BCAS1: variants seen among roughly 807,000 people sequenced by gnomAD.
BCAS1 encodes the protein brain enriched myelin associated protein 1, also known as breast carcinoma-amplified sequence 1.
In BCAS1, 46 loss-of-function variants were observed where a neutral mutation model predicts 65.4. The ratio of observed to expected loss-of-function variants is 0.70; its 90% confidence interval spans 0.55 to 0.90. The LOEUF is 0.90. Among genes scored for constraint, BCAS1 ranks in the 40% least tolerant of loss-of-function variants. The pLI, the probability that BCAS1 is intolerant of heterozygous loss-of-function variation, is 0.00. For synonymous variants in BCAS1, 298 were observed against 293.5 expected (o/e 1.02, Z -0.16); for missense variants, 793 against 771.2 (o/e 1.03, Z -0.33).
At chr20:53,979,437 G>A (rs575180965) in intron 8 of BCAS1, among the ~76,000 whole-genome samples, 104 of 152,300 alleles carry the variant, frequency 6.8e-4, no homozygotes, top group African/African-American at 2.5e-3. Context: ...AGTGGGTCTT[G>A]CCAAATGGGG....
At chr20:53,953,822 G>A in intron 11 of BCAS1, 127 bp from the exon 12 acceptor site, 2 of 1,129,204 alleles carry the variant, frequency 1.8e-6, no homozygotes, top group Non-Finnish European at 2.5e-6. Flanking sequence ...TGAATCCTAG[G>A]TGAAATGAAT....
intron 3 of BCAS1, among the ~76,000 whole-genome samples, chr20:54,029,949 C>T (rs772079418): frequency 5.3e-5 from 8 of 152,154 alleles, no homozygotes; most frequent in Non-Finnish European, 1.2e-4. Flanking sequence ...CAGAAAATTT[C>T]TCTTTGAAAG....
chr20:53,955,489 G>A (rs146621773), intron 11 of BCAS1, among the ~76,000 whole-genome samples: 1 of 152,318 alleles, frequency 6.6e-6, no homozygotes, highest in East Asian at 1.9e-4. Flanking sequence ...CAAATGCCTT[G>A]TTAACTGTTT....
intron 4 of BCAS1, among the ~76,000 whole-genome samples, chr20:54,003,279 C>T (rs6123340): frequency 1.3e-5 from 2 of 149,434 alleles, no homozygotes; most frequent in East Asian, 3.9e-4. Flanking sequence ...TGCAAAGTTC[C>T]TGACACAGAG....
chr20:54,045,607 G>A (rs1003791740), intron 3 of BCAS1, among the ~76,000 whole-genome samples: 1 of 152,176 alleles, frequency 6.6e-6, no homozygotes, highest in African/African-American at 2.4e-5. Context: ...ACTGTTTCTT[G>A]TAAATGCCTA....
chr20:53,966,291 T>C (rs1026301851), intron 10 of BCAS1, among the ~76,000 whole-genome samples: 2 of 152,174 alleles, frequency 1.3e-5, no homozygotes, highest in Non-Finnish European at 2.9e-5. Context: ...GGAATACTAC[T>C]CAGCCAGAAA....
intron 3 of BCAS1, among the ~76,000 whole-genome samples, chr20:54,053,969 T>G (rs1191920668): frequency 3.3e-5 from 5 of 152,310 alleles, no homozygotes; most frequent in South Asian, 2.1e-4. Context: ...GGAAAGAGGT[T>G]TAATGGACTT....
At position 53,966,921 on chromosome 20, in the gene BCAS1, C is replaced by T. The variant is rs145938513; in HGVS notation, c.1470G>A (p.Ala490=). The T allele has an allele frequency of 2.1e-4, 334 of 1,608,048 alleles. 1 individual carries two copies. In the African/African-American group the frequency reaches 3.1e-3, roughly 15 times the overall value. Residue 490 remains alanine (A), a synonymous_variant, in exon 10 of 13, where the codon GCG becomes GCA. Transcript: ENST00000688948. ...AGGGGCTTACCATTTGTCTGAGAAA[C>T]GCCATCAGAGAGGTTCTTGGTTTGC... is the stretch of plus-strand genomic sequence containing the variant. ...EESKPRTSLM[A]FLRQMSVKGD...
At chr20:53,949,885 C>T (rs886159540) in intron 12 of BCAS1, among the ~76,000 whole-genome samples, 2 of 152,128 alleles carry the variant, frequency 1.3e-5, no homozygotes, top group Non-Finnish European at 1.5e-5. Context: ...AGGAGGGACT[C>T]GGTGTCTAGA....
intron 4 of BCAS1, among the ~76,000 whole-genome samples, chr20:54,006,028 T>G (rs1382583999): frequency 3.9e-5 from 6 of 152,166 alleles, no homozygotes; most frequent in African/African-American, 7.2e-5. Context: ...GGAAGGTGTT[T>G]GGGCTCAGGC....
intron 10 of BCAS1, among the ~76,000 whole-genome samples, chr20:53,958,241 C>T (rs1428656099): frequency 6.6e-6 from 1 of 152,192 alleles, no homozygotes; most frequent in African/African-American, 2.4e-5. Flanking sequence ...TGGCCATATA[C>T]AGGTTCAGAC....
chr20:54,027,276 C>T (rs577754053), intron 4 of BCAS1, among the ~76,000 whole-genome samples: 4 of 152,138 alleles, frequency 2.6e-5, no homozygotes, highest in Non-Finnish European at 5.9e-5. Flanking sequence ...TCAGCGGTGC[C>T]CAGCCTTCAT....
intron 7 of BCAS1, 58 bp from the exon 8 acceptor site, chr20:53,985,557 A>C: frequency 1.4e-6 from 2 of 1,477,956 alleles, no homozygotes; most frequent in Non-Finnish European, 1.9e-6. Flanking sequence ...AATTTTAAAA[A>C]TGGAAGATCT....
chr20:53,982,099 A>G (rs182946153), intron 8 of BCAS1, among the ~76,000 whole-genome samples: 1 of 152,304 alleles, frequency 6.6e-6, no homozygotes, highest in African/African-American at 2.4e-5. Context: ...CAGATTAGAA[A>G]GGAGGGTCTT....
intron 6 of BCAS1, among the ~76,000 whole-genome samples, chr20:53,992,903 A>G (rs1407321775): frequency 6.6e-6 from 1 of 152,174 alleles, no homozygotes; most frequent in East Asian, 1.9e-4. Flanking sequence ...AGACAGAACA[A>G]AACAAAACTC....
intron 4 of BCAS1, among the ~76,000 whole-genome samples, chr20:54,024,959 A>C (rs771372384): frequency 2.6e-5 from 4 of 152,184 alleles, no homozygotes; most frequent in Non-Finnish European, 4.4e-5. Flanking sequence ...GGACCGATGC[A>C]CTTATCACAA....
At chr20:54,056,883 T>C (rs995763597) in intron 3 of BCAS1, among the ~76,000 whole-genome samples, 1 of 152,208 alleles carries the variant, frequency 6.6e-6, no homozygotes, top group African/African-American at 2.4e-5. Context: ...CACTGTAATA[T>C]GTGCTTTCAT....
At chr20:53,952,837 G>A (rs1000320217) in intron 12 of BCAS1, among the ~76,000 whole-genome samples, 7 of 152,160 alleles carry the variant, frequency 4.6e-5, no homozygotes, top group African/African-American at 1.2e-4. Context: ...TCATGCCACT[G>A]GGCAGTGCTC....
At chr20:53,994,716 T>C (rs2090856491) in intron 6 of BCAS1, among the ~76,000 whole-genome samples, 1 of 152,142 alleles carries the variant, frequency 6.6e-6, no homozygotes, top group Non-Finnish European at 1.5e-5. Context: ...TAATTATTAG[T>C]ATTCTGTTCT....
Sources: allele counts gnomAD v4.1 joint callset (sites outside exome capture counted in the v4.1 genomes callset), GRCh38; gene constraint gnomAD v4.1.1; transcripts MANE v1.5; gene names NCBI Gene and HGNC (gene_info 2026-07-23, HGNC 2026-07-21).